WRNIP1: variants seen among roughly 807,000 people sequenced by gnomAD.
WRNIP1 encodes the protein WRN helicase interacting protein 1.
A neutral mutation model predicts 56.1 loss-of-function variants in WRNIP1; 41 were observed. The ratio of observed to expected loss-of-function variants is 0.73; its 90% CI spans 0.57 to 0.95. The LOEUF is 0.95. Ranked by LOEUF, WRNIP1 falls within the 40% of genes least tolerant of loss-of-function variation. WRNIP1 has a pLI of 0.00. For synonymous variants in WRNIP1, 547 were observed against 398.1 expected (o/e 1.37, Z -4.45); for missense variants, 1,170 against 939.4 (o/e 1.25, Z -3.21).
chr6:2,778,196 C>G (rs952088085), intron 3 of WRNIP1, among the ~76,000 whole-genome samples: 13 of 152,170 alleles, frequency 8.5e-5, no homozygotes, highest in Non-Finnish European at 2.9e-5. Flanking sequence ...CCGGCCCAGC[C>G]CCGTTGGTGC....
At chr6:2,773,630 T>G (rs1765362293) in intron 3 of WRNIP1, 1 of 985,262 alleles carries the variant, frequency 1.0e-6, no homozygotes, top group Non-Finnish European at 1.2e-6. Context: ...AAAATGTCCA[T>G]GATTCATGAT....
intron 6 of WRNIP1, among the ~76,000 whole-genome samples, chr6:2,784,730 T>A (rs1765668444): frequency 6.6e-6 from 1 of 152,104 alleles, no homozygotes; most frequent in Non-Finnish European, 1.5e-5. Context: ...TTCATCTCTT[T>A]TATATATTGG....
intron 1 of WRNIP1, 143 bp downstream of exon 1, chr6:2,766,587 G>A (rs1765007686): frequency 7.3e-7 from 1 of 1,369,270 alleles, no homozygotes; most frequent in Admixed American, 3.0e-5. Context: ...CTGGGCTGGG[G>A]CAGTGCCTGG....
At position 2,765,554 on chromosome 6, in the gene WRNIP1, C is replaced by T. The variant is rs1764901253; in HGVS notation, c.-69C>T. 2.2e-5 allele frequency: 30 copies of T among 1,374,488 alleles called. No homozygotes were observed. The highest frequency in any genetic ancestry group is 2.8e-5 in the Non-Finnish European group (30 of 1,070,748). The allele number at this position is 1,374,488 out of a possible 1,614,324, so 85.1% of individuals were successfully genotyped here. A position where few individuals can be genotyped will look rare whatever the true frequency, so the allele number is the denominator to read the frequency against. ...TCGCGGCGCGGGGCCTAGCGGAGGG[C>T]ATCGAAGGCCTCCGCGTGCGCACGG... On this transcript the variant is annotated 5_prime_UTR_variant, in exon 1 of 7. Transcript: ENST00000380773.
chr6:2,785,145 G>A lies in WRNIP1; in HGVS notation c.1861G>A (p.Ala621Thr), dbSNP rs369024379. Residue 621 changes from alanine (A) to threonine (T), a missense_variant, in exon 7 of 7, where the codon GCG becomes ACG. Transcript: ENST00000380773. ...LPPVPLHLRNAPTRLMKDLGY... is the reference protein window; with the variant it reads ...LPPVPLHLRNTPTRLMKDLGY... ...CCCCGTGCCCCTGCACCTGAGGAAC[G>A]CGCCCACTAGGCTGATGAAGGATTT... 1.3e-4 allele frequency: 204 copies of A among 1,614,194 alleles called. No homozygotes were observed. Among genetic ancestry groups the A allele is most frequent in the South Asian group, 2.5e-4 (23 of 91,078 alleles).
At chr6:2,783,653 T>TTTTTTCGG in intron 5 of WRNIP1, 92 bp downstream of exon 5, 1 of 119,820 alleles carries the variant, frequency 8.3e-6, no homozygotes, top group African/African-American at 9.0e-5. Context: ...TTTTTTTTTT[T>TTTTTTCGG]GCAGGGCGGG....
rs144030901 is a variant in WRNIP1, at chr6:2,775,478, AT to A, written c.1257-3782del. ...ATGTTCCTTTTCCTTAGTGGAAGAG[AT>A]TTGTGGGGTTTGGTTTGTAATTTAG... is the stretch of plus-strand genomic sequence containing the variant. On this transcript the variant is annotated intron_variant, in intron 3 of 6. Coordinates refer to ENST00000380773, the MANE Select transcript of WRNIP1 (RefSeq NM_020135.3). 9.0e-4 allele frequency among the ~76,000 whole-genome samples: 137 copies of A among 152,232 alleles called. 1 individual carries two copies. The East Asian group carries it at 0.025, about 28-fold the overall frequency.
At chr6:2,780,677 A>G (rs1406631717) in intron 4 of WRNIP1, among the ~76,000 whole-genome samples, 1 of 152,208 alleles carries the variant, frequency 6.6e-6, no homozygotes. Context: ...TTGGTCAAAT[A>G]GAAAAAATGT....
At position 2,766,237 on chromosome 6, in the gene WRNIP1, G is replaced by A. The variant is rs780677626; in HGVS notation, c.615G>A (p.Gly205=). The A allele has an allele frequency of 1.4e-6, 2 of 1,475,286 alleles. No individual in the cohort carries two copies. Among genetic ancestry groups the A allele is most frequent in the Non-Finnish European group, 9.0e-7 (1 of 1,111,598 alleles). 91.4% of individuals were successfully genotyped at this position (1,475,286 alleles called of 1,614,324 possible). Residue 205 remains glycine (G), a synonymous_variant, in exon 1 of 7, where the codon GGG becomes GGA. Transcript: ENST00000380773. ...EAATAFGASG[G]GRPHPRALAA... ...CCACCGCCTTCGGGGCCAGTGGCGG[G>A]GGCCGCCCGCACCCCCGGGCGCTGG...
At chr6:2,777,941 G>T (rs911563724) in intron 3 of WRNIP1, among the ~76,000 whole-genome samples, 2 of 152,164 alleles carry the variant, frequency 1.3e-5, no homozygotes, top group Non-Finnish European at 2.9e-5. Flanking sequence ...GCTGGGGCTG[G>T]CCAGTTGTCT....
Position 2,768,885 on chromosome 6 carries a change from A to G in WRNIP1, c.1014+3A>G. 6.2e-7 allele frequency: 1 copy of G among 1,605,128 alleles called. No homozygotes were observed. Among genetic ancestry groups the G allele is most frequent in the Non-Finnish European group, 8.5e-7 (1 of 1,175,280 alleles). Reference sequence around the variant, plus strand: ...ATCGGTTCAATAAATCTCAGCAGGTATATTAACTTCCTTCTACCTTTTGGT... The same window carrying G: ...ATCGGTTCAATAAATCTCAGCAGGTGTATTAACTTCCTTCTACCTTTTGGT... On this transcript the variant is annotated splice_donor_region_variant and intron_variant, in intron 2 of 6. Coordinates refer to ENST00000380773, the MANE Select transcript of WRNIP1 (RefSeq NM_020135.3).
In WRNIP1 at chr6:2,779,509, T is replaced by C. The variant is rs1281229399; in HGVS notation, c.1486+17T>C. 27 of 1,605,658 alleles carry C rather than the reference T, an allele frequency of 1.7e-5. No individual in the cohort carries two copies. Among genetic ancestry groups the C allele is most frequent in the Non-Finnish European group, 2.1e-5 (25 of 1,175,400 alleles). On this transcript the variant is annotated intron_variant, in intron 4 of 6. Coordinates refer to ENST00000380773, the MANE Select transcript of WRNIP1 (RefSeq NM_020135.3). ...ACCGGGCAGGTAAGTAATTCACCTG[T>C]GGAAAGAGTGAAACCATACGGAAAG...
chr6:2,773,175 T>C, intron 3 of WRNIP1: 1 of 985,426 alleles, frequency 1.0e-6, no homozygotes, highest in Non-Finnish European at 1.2e-6. Flanking sequence ...GTGAAATAAG[T>C]GTTCTTTTTT....
chr6:2,765,609 G>A lies in WRNIP1; in HGVS notation c.-14G>A, dbSNP rs1353851068. 2 of 1,506,436 alleles carry A rather than the reference G, an allele frequency of 1.3e-6. No homozygotes were observed. Among genetic ancestry groups the A allele is most frequent in the Non-Finnish European group, 1.8e-6 (2 of 1,135,680 alleles). 93.3% of individuals were successfully genotyped at this position (1,506,436 alleles called of 1,614,324 possible). A position where few individuals can be genotyped will look rare whatever the true frequency, so the allele number is the denominator to read the frequency against. On this transcript the variant is annotated 5_prime_UTR_variant, in exon 1 of 7. Transcript: ENST00000380773. ...CTGCGGCCGCGCCGGGCGCCGGGGA[G>A]GGCGGCGGCCGCCATGGAGGTGAGC...
intron 3 of WRNIP1, chr6:2,773,231 G>A (rs911699686): frequency 2.0e-6 from 2 of 985,368 alleles, no homozygotes; most frequent in East Asian, 1.1e-4. Context: ...CAAAATTGAA[G>A]CTCCTGCATA....
At chr6:2,774,234 C>G in intron 3 of WRNIP1, 1 of 985,382 alleles carries the variant, frequency 1.0e-6, no homozygotes, top group Non-Finnish European at 1.2e-6. Context: ...CATAAAAGCA[C>G]CAGCAGCCAG....
chr6:2,784,860 G>A, intron 6 of WRNIP1, 147 bp from the exon 7 acceptor site: 1 of 1,009,830 alleles, frequency 9.9e-7, no homozygotes, highest in Admixed American at 2.4e-5. Context: ...GTCGTAGGTG[G>A]TTATCCAGAC....
intron 4 of WRNIP1, among the ~76,000 whole-genome samples, chr6:2,781,345 G>A (rs1765556564): frequency 6.6e-6 from 1 of 152,232 alleles, no homozygotes; most frequent in African/African-American, 2.4e-5. Flanking sequence ...CCCAGTATGA[G>A]TGTGTTTACA....
chr6:2,777,322 C>T (rs1387048912), intron 3 of WRNIP1, among the ~76,000 whole-genome samples: 4 of 144,798 alleles, frequency 2.8e-5, no homozygotes, highest in East Asian at 2.3e-4. Context: ...TGAGGTGCTC[C>T]GCATAGTAGG....
Sources: gnomAD v4.1 joint callset for allele counts (sites outside exome capture counted in the v4.1 genomes callset) on GRCh38, gnomAD v4.1.1 for gene constraint, MANE v1.5 for transcripts, NCBI Gene and HGNC (gene_info 2026-07-23, HGNC 2026-07-21) for gene names.